The following SHROOM3 variants were observed in gnomAD, a reference collection of about 807,000 sequenced individuals.
SHROOM3 encodes the protein shroom family member 3, also known as protein Shroom3.
Under a neutral mutation model 138.6 loss-of-function variants are expected in SHROOM3, and 47 were observed. The ratio of observed to expected loss-of-function variants is 0.34; its 90% CI spans 0.27 to 0.43. SHROOM3 has a LOEUF of 0.43. SHROOM3 is among the 20% of genes least tolerant of loss of function. The pLI is 1.00. For synonymous variants in SHROOM3, 1,062 were observed against 1,063.3 expected, an observed-to-expected ratio of 1.00 and a Z score of 0.02; for missense variants, 2,491 against 2,596.5, an observed-to-expected ratio of 0.96 and a Z score of 0.88.
intron 1 of SHROOM3, among the ~76,000 whole-genome samples, chr4:76,446,342 A>T (rs1333416224): frequency 7.2e-6 from 1 of 139,174 alleles, no homozygotes; most frequent in Admixed American, 7.3e-5. Flanking sequence ...AAAAAAAAAA[A>T]GTGGAATGCA....
chr4:76,631,037 T>G (rs897716868), intron 2 of SHROOM3, among the ~76,000 whole-genome samples: 4 of 152,118 alleles, frequency 2.6e-5, no homozygotes, highest in African/African-American at 9.7e-5. Context: ...TCATAGAATT[T>G]ACAGTCTTAT....
chr4:76,504,561 C>T (rs1732170194), intron 1 of SHROOM3, among the ~76,000 whole-genome samples: 1 of 152,080 alleles, frequency 6.6e-6, no homozygotes, highest in South Asian at 2.1e-4. Flanking sequence ...AAGCTATTTT[C>T]CAAATATAAA....
rs775627642 is a variant in SHROOM3 at position 76,739,390 on chromosome 4, G to T, written c.1217G>T (p.Ser406Ile). The T allele has an allele frequency of 6.2e-7, 1 of 1,614,134 alleles. No homozygotes were observed. The highest frequency in any genetic ancestry group is 8.5e-7 in the Non-Finnish European group (1 of 1,180,044). The change falls in exon 5 of 11, where the codon AGC becomes ATC. Residue 406 changes from serine (S) to isoleucine (I), a missense_variant. By Grantham distance (142) the Ser-to-Ile change is moderately radical. Transcript: ENST00000296043. ...CGTGAGCGGCCCAGCTCCTGGTCTA[G>T]CCTTGATCAGAAACGGCTCTGCCGG... ...RHRERPSSWS[S>I]LDQKRLCRPQ...
intron 2 of SHROOM3, among the ~76,000 whole-genome samples, chr4:76,594,679 A>C (rs1734345058): frequency 6.6e-6 from 1 of 152,206 alleles, no homozygotes; most frequent in African/African-American, 2.4e-5. Flanking sequence ...CTGATGTCAG[A>C]CTAACACCTG....
chr4:76,613,844 C>G (rs906309705), intron 2 of SHROOM3, among the ~76,000 whole-genome samples: 1 of 152,236 alleles, frequency 6.6e-6, no homozygotes, highest in East Asian at 1.9e-4. Context: ...CACTTTTGCT[C>G]AGCAAGCCAC....
At chr4:76,727,229 CTTTAT>C (rs1396353036) in intron 3 of SHROOM3, among the ~76,000 whole-genome samples, 2 of 152,132 alleles carry the variant, frequency 1.3e-5, no homozygotes, top group Non-Finnish European at 2.9e-5. Flanking sequence ...GCAAAAGAGA[CTTTAT>C]TTTTTCTTTG....
chr4:76,695,384 C>T (rs1412408305), intron 2 of SHROOM3, among the ~76,000 whole-genome samples: 43 of 152,088 alleles, frequency 2.8e-4, no homozygotes, highest in Non-Finnish European at 2.2e-4. Context: ...TAGGGATGGA[C>T]ATAGATGCAA....
intron 2 of SHROOM3, among the ~76,000 whole-genome samples, chr4:76,646,615 C>A (rs774041565): frequency 1.4e-4 from 22 of 152,060 alleles, no homozygotes; most frequent in Non-Finnish European, 2.8e-4. Flanking sequence ...CAGCCACTTA[C>A]CTTGCTCTTG....
chr4:76,736,182 C>A (rs1023594839), intron 4 of SHROOM3, among the ~76,000 whole-genome samples: 2 of 151,884 alleles, frequency 1.3e-5, no homozygotes, highest in Admixed American at 6.6e-5. Flanking sequence ...GGCTGTCTAG[C>A]GCTTCTTTAG....
In SHROOM3 at chr4:76,741,992, C is replaced by A; in HGVS notation, c.3753+66C>A. On this transcript the variant is annotated intron_variant, in intron 5 of 10. Coordinates refer to ENST00000296043, the MANE Select transcript of SHROOM3 (RefSeq NM_020859.4). The surrounding 1 kb of genome is among the most constrained non-coding windows in gnomAD (Gnocchi z 6.2). ...CCTCCCTAGAAGCTTTAGTGGGGCT[C>A]CCCAACCCCCCACACTCTCACCCGC... 1.9e-6 allele frequency: 3 copies of A among 1,561,254 alleles called. No individual in the cohort carries two copies. The highest frequency in any genetic ancestry group is 2.6e-6 in the Non-Finnish European group (3 of 1,147,436).
intron 1 of SHROOM3, among the ~76,000 whole-genome samples, chr4:76,473,549 C>T (rs1731421799): frequency 6.6e-6 from 1 of 151,844 alleles, no homozygotes; most frequent in Admixed American, 6.6e-5. Context: ...TTTAAAGTTG[C>T]AGTGAGCTAT....
At chr4:76,588,514 C>G (rs916547173) in intron 2 of SHROOM3, among the ~76,000 whole-genome samples, 1 of 152,116 alleles carries the variant, frequency 6.6e-6, no homozygotes, top group African/African-American at 2.4e-5. Flanking sequence ...CTGTGCACCC[C>G]CTTGGCTCTG....
chr4:76,754,667 C>T lies in SHROOM3; in HGVS notation c.4184C>T (p.Thr1395Ile). Residue 1395 changes from threonine to isoleucine, a missense_variant, in exon 7 of 11, where the codon ACC becomes ATC. Thr to Ile is a moderately conservative substitution (Grantham distance 89). Around this residue, in one of 4 missense-constraint regions of SHROOM3, gnomAD observed 1,733 missense variants for 1,661.6 expected, o/e 1.04. Transcript: ENST00000296043. ...MMHRSNGHTL[T>I]QPPGPRGCEG... is the part of the protein sequence containing the mutation. ...CACAGAAGCAATGGTCACACCCTGA[C>T]CCAGCCTCCCGGTCCAAGAGGCTGT... 2 of 1,614,190 alleles carry T rather than the reference C, an allele frequency of 1.2e-6. No homozygotes were observed. Among genetic ancestry groups the T allele is most frequent in the Non-Finnish European group, 1.7e-6 (2 of 1,180,028 alleles).
chr4:76,640,976 G>C (rs1735650693), intron 2 of SHROOM3, among the ~76,000 whole-genome samples: 1 of 152,224 alleles, frequency 6.6e-6, no homozygotes, highest in African/African-American at 2.4e-5. Context: ...AAGGTTAAAA[G>C]TGAGGAAATG....
At chr4:76,642,300 A>G (rs1375407354) in intron 2 of SHROOM3, among the ~76,000 whole-genome samples, 1 of 152,194 alleles carries the variant, frequency 6.6e-6, no homozygotes, top group Non-Finnish European at 1.5e-5. Context: ...TATACATATG[A>G]CACCCTCAAC....
chr4:76,709,204 C>T (rs995354704), intron 2 of SHROOM3, among the ~76,000 whole-genome samples: 7 of 152,236 alleles, frequency 4.6e-5, no homozygotes, highest in African/African-American at 1.7e-4. Context: ...CCCTCTCAGC[C>T]ATGGCCTGTG....
At chr4:76,609,239 C>T (rs930964964) in intron 2 of SHROOM3, among the ~76,000 whole-genome samples, 6 of 152,048 alleles carry the variant, frequency 3.9e-5, no homozygotes, top group Admixed American at 6.6e-5. Context: ...AATCTTTTTC[C>T]AGGCCTCTAG....
At chr4:76,706,038 T>C (rs1720035882) in intron 2 of SHROOM3, among the ~76,000 whole-genome samples, 2 of 152,184 alleles carry the variant, frequency 1.3e-5, no homozygotes, top group Admixed American at 1.3e-4. Flanking sequence ...TTGATTAACA[T>C]ATTTTGTATG....
At chr4:76,521,141 T>C (rs1156370271) in intron 1 of SHROOM3, among the ~76,000 whole-genome samples, 1 of 152,212 alleles carries the variant, frequency 6.6e-6, no homozygotes, top group Non-Finnish European at 1.5e-5. Context: ...ATCTCTAATA[T>C]TCCCTTTAAG....
Sources: gnomAD v4.1 joint callset for allele counts (sites outside exome capture counted in the v4.1 genomes callset) on GRCh38, gnomAD v4.1.1 for gene constraint, gnomAD v4.1.1 regional missense constraint, Gnocchi (gnomAD v3.1) non-coding constraint, MANE v1.5 for transcripts, NCBI Gene and HGNC (gene_info 2026-07-23, HGNC 2026-07-21) for gene names.